EPM2A: variants seen among roughly 807,000 people sequenced by gnomAD.
EPM2A encodes EPM2A glucan phosphatase, laforin, also known as laforin.
Under a neutral mutation model 26.5 loss-of-function variants are expected in EPM2A, and 21 were observed. The observed-to-expected ratio is 0.79, with a 90% confidence interval of 0.56 to 1.14. EPM2A has a LOEUF of 1.14. EPM2A is among the 50% of genes most tolerant of loss of function. The pLI is 0.00. For missense variants in EPM2A, 458 were observed against 440.8 expected, an observed-to-expected ratio of 1.04 and a Z score of -0.35; for synonymous variants, 217 against 177.6, an observed-to-expected ratio of 1.22 and a Z score of -1.76.
At chr6:145,520,215 T>C (rs886465461) in intron 2 of EPM2A, among the ~76,000 whole-genome samples, 1 of 152,192 alleles carries the variant, frequency 6.6e-6, no homozygotes, top group Admixed American at 6.5e-5. Context: ...TCTTAAAATA[T>C]CACTGTACTT....
At chr6:145,480,623 C>A (rs1779602086) in intron 4 of EPM2A, among the ~76,000 whole-genome samples, 1 of 151,992 alleles carries the variant, frequency 6.6e-6, no homozygotes, top group Non-Finnish European at 1.5e-5. Context: ...CAATCAAGTC[C>A]AATTTACCTT....
At chr6:145,578,366 C>A (rs61014905) in intron 2 of EPM2A, among the ~76,000 whole-genome samples, 10 of 151,952 alleles carry the variant, frequency 6.6e-5, no homozygotes, top group Non-Finnish European at 1.5e-4. Flanking sequence ...GACATTACAA[C>A]GGATACCACA....
At chr6:145,492,029 C>CT in intron 4 of EPM2A, 1 of 346,444 alleles carries the variant, frequency 2.9e-6, no homozygotes, top group Non-Finnish European at 5.6e-6. Context: ...TTCAGTCAGT[C>CT]GAGGATCATC....
rs1000509812 is a variant in EPM2A at position 145,625,670 on chromosome 6, A to T, written c.*1746T>A. 1 of 747,558 alleles carries T rather than the reference A, an allele frequency of 1.3e-6. No individual in the cohort carries two copies. Among genetic ancestry groups the T allele is most frequent in the Non-Finnish European group, 2.5e-6 (1 of 401,824 alleles). 46.3% of individuals were successfully genotyped at this position (747,558 alleles called of 1,614,324 possible). On this transcript the variant is annotated 3_prime_UTR_variant, in exon 4 of 4. Coordinates refer to ENST00000367519, the MANE Select transcript of EPM2A (RefSeq NM_005670.4). ...GCTGGACTTCACTTTACTTAATGCT[A>T]GCTTATAAATTTAACTTTGTAAAAT...
intron 2 of EPM2A, among the ~76,000 whole-genome samples, chr6:145,679,053 T>C (rs982176182): frequency 1.3e-5 from 2 of 152,132 alleles, no homozygotes; most frequent in African/African-American, 4.8e-5. Context: ...ATATACATCA[T>C]GGAATACCAT....
At chr6:145,431,635 T>C (rs1251320872) in intron 4 of EPM2A, among the ~76,000 whole-genome samples, 1 of 152,186 alleles carries the variant, frequency 6.6e-6, no homozygotes, top group African/African-American at 2.4e-5. Flanking sequence ...CTTCAGCGAG[T>C]AGTAATCTTT....
intron 4 of EPM2A, among the ~76,000 whole-genome samples, chr6:145,478,960 C>T (rs543027090): frequency 1.1e-4 from 17 of 151,516 alleles, no homozygotes; most frequent in South Asian, 2.1e-4. Context: ...ATGTACTTTT[C>T]GCTTGATTTG....
At chr6:145,556,028 C>A (rs1156865103) in intron 2 of EPM2A, among the ~76,000 whole-genome samples, 1 of 152,138 alleles carries the variant, frequency 6.6e-6, no homozygotes, top group Non-Finnish European at 1.5e-5. Context: ...CATAATCTAT[C>A]TCCAGATTCC....
Position 145,625,340 on chromosome 6 carries a change from G to C in EPM2A, c.*2076C>G, listed in dbSNP as rs1197266742. ...TGCTTTTATTTGCCAAAAGTTTTGGGTGATTTTGAAATACATTAGACATCC... is the reference window on the plus strand; with the variant it reads ...TGCTTTTATTTGCCAAAAGTTTTGGCTGATTTTGAAATACATTAGACATCC... On this transcript the variant is annotated 3_prime_UTR_variant, in exon 4 of 4. Transcript: ENST00000367519. 1.1e-5 allele frequency: 2 copies of C among 184,958 alleles called. No individual in the cohort carries two copies. Among genetic ancestry groups the C allele is most frequent in the Admixed American group, 1.1e-4 (2 of 17,722 alleles). The allele number at this position is 184,958 out of a possible 1,614,324, so 11.5% of individuals were successfully genotyped here. A position where few individuals can be genotyped will look rare whatever the true frequency, so the allele number is the denominator to read the frequency against.
At chr6:145,398,248 G>A (rs966854540) in intron 4 of EPM2A, among the ~76,000 whole-genome samples, 5 of 152,136 alleles carry the variant, frequency 3.3e-5, no homozygotes, top group Admixed American at 2.0e-4. Flanking sequence ...TAAGGGCATG[G>A]TTATTTGTTT....
intron 1 of EPM2A, among the ~76,000 whole-genome samples, chr6:145,698,990 T>C (rs566445823): frequency 1.4e-4 from 21 of 152,322 alleles, no homozygotes; most frequent in African/African-American, 4.6e-4. Flanking sequence ...GTCATCAAAA[T>C]TGTGAGAAAA....
intron 2 of EPM2A, among the ~76,000 whole-genome samples, chr6:145,668,630 T>C (rs954916847): frequency 1.3e-5 from 2 of 152,054 alleles, no homozygotes; most frequent in Non-Finnish European, 2.9e-5. Context: ...TGGAGGAGAA[T>C]CTGGGAATGG....
At chr6:145,730,416 G>A (rs142193937) in intron 1 of EPM2A, among the ~76,000 whole-genome samples, 40 of 152,342 alleles carry the variant, frequency 2.6e-4, no homozygotes, top group African/African-American at 8.2e-4. Flanking sequence ...GAACAGAGCT[G>A]CAGCAGCCAT....
chr6:145,541,463 G>T (rs2114794795), intron 2 of EPM2A, among the ~76,000 whole-genome samples: 1 of 151,886 alleles, frequency 6.6e-6, no homozygotes, highest in Admixed American at 6.6e-5. Context: ...TTTTCTCAAA[G>T]CAAATTTGTA....
At chr6:145,620,162 A>AT (rs1013897390) in intron 2 of EPM2A, among the ~76,000 whole-genome samples, 4 of 152,130 alleles carry the variant, frequency 2.6e-5, no homozygotes, top group African/African-American at 7.2e-5. Context: ...TGTGAAAGAC[A>AT]TTTTTTCCAT....
chr6:145,516,172 C>T (rs1276104123), intron 2 of EPM2A, among the ~76,000 whole-genome samples: 1 of 152,116 alleles, frequency 6.6e-6, no homozygotes, highest in Admixed American at 6.5e-5. Flanking sequence ...GTGGTTATTA[C>T]CATATTCTCA....
Position 145,539,000 on chromosome 6 carries a change from G to C in EPM2A, c.341-36425C>G, listed in dbSNP as rs149235045. Among the ~76,000 whole-genome samples the C allele has an allele frequency of 1.2e-3, 179 of 152,292 alleles. 3 individuals are homozygous for C. The East Asian group carries it at 0.03, about 25-fold the overall frequency. On this transcript the variant is annotated intron_variant, in intron 2 of 3. Transcript: ENST00000450221. ...TTACAGAGACAGCTCAACCCTCAGA[G>C]GCCAGGCACAGTTTTGTACATACGA...
At chr6:145,467,319 T>A (rs952864266) in intron 4 of EPM2A, among the ~76,000 whole-genome samples, 1 of 152,142 alleles carries the variant, frequency 6.6e-6, no homozygotes, top group African/African-American at 2.4e-5. Flanking sequence ...GTTGTCCCAC[T>A]ACTATTTATT....
chr6:145,425,116 C>CCCTTCCTTCCTTCCTTCCTTCCTT (rs71028346), intron 4 of EPM2A, among the ~76,000 whole-genome samples: 5,633 of 131,782 alleles, frequency 0.043, 339 homozygotes, highest in Admixed American at 0.076. Flanking sequence ...ATGTAAGTCT[C>CCCTTCCTTCCTTCCTTCCTTCCTT]CCTTCCTTCC....
Sources: allele counts gnomAD v4.1 joint callset (sites outside exome capture counted in the v4.1 genomes callset), GRCh38; gene constraint gnomAD v4.1.1; transcripts MANE v1.5; gene names NCBI Gene and HGNC (gene_info 2026-07-23, HGNC 2026-07-21).